The following TAL1 variants were observed in gnomAD, a reference collection of about 807,000 sequenced individuals.
The protein encoded by TAL1 is TAL bHLH transcription factor 1, erythroid differentiation factor.
In TAL1, 8 loss-of-function variants were observed where a neutral mutation model predicts 17.9. That is an observed-to-expected ratio of 0.45 (90% CI 0.26 to 0.81). The LOEUF is 0.81. TAL1 is among the 30% of genes least tolerant of loss of function. The pLI is 0.17. For synonymous variants in TAL1, 223 were observed against 218.6 expected (o/e 1.02, Z -0.18); for missense variants, 466 against 486.9 (o/e 0.96, Z 0.40).
chr1:47,229,281 AC>A, exon 1 of TAL1: 1 of 205,842 alleles, frequency 4.9e-6, no homozygotes. Flanking sequence ...GAGGATGCAC[AC>A]CCGGGTCTTT....
chr1:47,219,379 G>C, exon 4 of TAL1: 1 of 577,050 alleles, frequency 1.7e-6, no homozygotes, highest in Non-Finnish European at 3.3e-6. Flanking sequence ...GACAACCCCA[G>C]GTCTTAGGAA....
At chr1:47,227,292 C>G (rs891917329) in intron 1 of TAL1, 1 of 152,232 alleles carries the variant, frequency 6.6e-6, no homozygotes, top group African/African-American at 2.4e-5. Context: ...ATATGATCAA[C>G]ACCACATAAG....
rs754016762 is a variant in TAL1 at position 47,225,933 on chromosome 1, C to T, written c.-1-44G>A. On this transcript the variant is annotated intron_variant, in intron 1 of 3. Transcript: ENST00000294339. Reference sequence around the variant, plus strand: ...ACAAGCGGATGCCCGCTCTGACGACCGCCCCTGACCCACCGACGTGGGCTG... The same window carrying T: ...ACAAGCGGATGCCCGCTCTGACGACTGCCCCTGACCCACCGACGTGGGCTG... 1.9e-6 allele frequency: 3 copies of T among 1,548,246 alleles called. No homozygotes were observed. In the African/African-American group the frequency reaches 4.2e-5, roughly 22 times the overall value.
upstream of TAL1, chr1:47,230,402 A>G (rs1643990345): frequency 6.6e-6 from 1 of 152,338 alleles, no homozygotes; most frequent in Middle Eastern, 3.4e-3. Context: ...TTTGGTGGAC[A>G]TATAGGAATA....
exon 4 of TAL1, chr1:47,216,731 G>C (rs1167265558): frequency 4.3e-6 from 1 of 231,542 alleles, no homozygotes; most frequent in East Asian, 6.1e-5. Context: ...AAAAGAATAT[G>C]AATTTGTCTT....
At chr1:47,223,123 C>A (rs553788226) in intron 3 of TAL1, among the ~76,000 whole-genome samples, 4 of 152,272 alleles carry the variant, frequency 2.6e-5, no homozygotes, top group South Asian at 2.1e-4. Context: ...ATATTCCTCC[C>A]ACCAGTTTGG....
chr1:47,219,894 G>GGGGGCCCCCCCCCCCCCCCCCCCCCCCC lies in TAL1; in HGVS notation c.821_822insGGGGGGGGGGGGGGGGGGGGGGGGCCCC (p.Ala275GlyfsTer14). The GGGGGCCCCCCCCCCCCCCCCCCCCCCCC allele has an allele frequency of 6.4e-7, 1 of 1,556,032 alleles. No homozygotes were observed. The highest frequency in any genetic ancestry group is 8.7e-7 in the Non-Finnish European group (1 of 1,149,578). On this transcript the variant is annotated frameshift_variant, in exon 4 of 4. Transcript: ENST00000294339. LOFTEE classifies it high-confidence loss of function. Reference sequence around the variant, plus strand: ...CTTGCAGGAGGTCATCTGGGGGCGCGCCGCCCCCTCCCCCACCTCCACCCC... The same window carrying GGGGGCCCCCCCCCCCCCCCCCCCCCCCC: ...CTTGCAGGAGGTCATCTGGGGGCGCGGGGGCCCCCCCCCCCCCCCCCCCCCCCCCCGCCCCCTCCCCCACCTCCACCCC...
chr1:47,222,105 G>A (rs1643824053), intron 3 of TAL1, among the ~76,000 whole-genome samples: 2 of 152,248 alleles, frequency 1.3e-5, no homozygotes, highest in South Asian at 4.1e-4. Flanking sequence ...GCCAGACAGA[G>A]AGCATCCCTC....
At chr1:47,229,836 A>T (rs1643977915), upstream of TAL1, 1 of 152,042 alleles carries the variant, frequency 6.6e-6, no homozygotes, top group African/African-American at 2.4e-5. Flanking sequence ...GGTGGGACAG[A>T]ACCTTGAAGT....
chr1:47,225,388 G>A (rs1391858172), intron 2 of TAL1, 55 bp downstream of exon 3: 4 of 1,220,732 alleles, frequency 3.3e-6, no homozygotes, highest in Middle Eastern at 3.1e-4. Flanking sequence ...CCCCGGTGGG[G>A]GTGGTCGCCC....
At chr1:47,226,357 T>C (rs974804778) in intron 1 of TAL1, 10 of 156,158 alleles carry the variant, frequency 6.4e-5, no homozygotes, top group African/African-American at 1.9e-4. Flanking sequence ...AGGGGTTCGT[T>C]GCTTTAGGAA....
intron 1 of TAL1, chr1:47,227,281 T>TA (rs1643927593): frequency 6.6e-6 from 1 of 152,222 alleles, no homozygotes; most frequent in Admixed American, 6.5e-5. Context: ...GAGTTGTACA[T>TA]ATATGATCAA....
rs775122362 is a variant in TAL1 at position 47,225,867 on chromosome 1, C to G, written c.22G>C (p.Glu8Gln). The G allele has an allele frequency of 2.5e-6, 4 of 1,581,030 alleles. No individual in the cohort carries two copies. In the Admixed American group the frequency reaches 6.8e-5, roughly 27 times the overall value. ...AGCTGGGGGTCACTGCGAGCCGCCT[C>G]GCTCGGCGGCCGCTCGGTCATCCTG... The change falls in exon 2 of 4, where the codon GAG becomes CAG. Residue 8 changes from glutamate (E) to glutamine (Q), a missense_variant. By Grantham distance (29) the Glu-to-Gln change is conservative (BLOSUM62 2). This residue lies in a region of TAL1 where 130 missense variants were observed against 119.5 expected (regional missense o/e 1.09). Coordinates refer to ENST00000294339, the Ensembl canonical transcript of TAL1.
At chr1:47,224,176 A>T in intron 2 of TAL1, 78 bp from the exon 4 acceptor site, 3 of 1,427,200 alleles carry the variant, frequency 2.1e-6, no homozygotes, top group Non-Finnish European at 2.9e-6. Flanking sequence ...GATCCTCCCC[A>T]CATGTCTTGA....
At chr1:47,224,639 C>G (rs879805445) in intron 2 of TAL1, among the ~76,000 whole-genome samples, 1 of 152,218 alleles carries the variant, frequency 6.6e-6, no homozygotes, top group Non-Finnish European at 1.5e-5. Flanking sequence ...GACAGGAAAC[C>G]CTGACTCCCC....
chr1:47,225,587 G>GAGGC lies in TAL1; in HGVS notation c.301_302insGCCT (p.Pro101ArgfsTer76). On this transcript the variant is annotated frameshift_variant, in exon 2 of 4. Coordinates refer to ENST00000294339, the Ensembl canonical transcript of TAL1. LOFTEE classifies it high-confidence loss of function. Reference sequence around the variant, plus strand: ...TGTAACCGAGGCGGGCGCGGGGGCCGGGGCGGGCCCGGGAGGTCTGCACAG... The same window carrying GAGGC: ...TGTAACCGAGGCGGGCGCGGGGGCCGAGGCGGGCGGGCCCGGGAGGTCTGCACAG... 7.8e-7 allele frequency: 1 copy of GAGGC among 1,287,694 alleles called. No individual in the cohort carries two copies. Among genetic ancestry groups the GAGGC allele is most frequent in the Non-Finnish European group, 9.8e-7 (1 of 1,024,814 alleles). 79.8% of individuals were successfully genotyped at this position (1,287,694 alleles called of 1,614,324 possible).
At chr1:47,221,272 C>T (rs1353619631) in intron 3 of TAL1, among the ~76,000 whole-genome samples, 1 of 152,226 alleles carries the variant, frequency 6.6e-6, no homozygotes, top group Non-Finnish European at 1.5e-5. Flanking sequence ...AGTGAAGACA[C>T]AGCTATGCAC....
rs372909336 is a variant in TAL1 at position 47,222,877 on chromosome 1, A to T, written c.541+1127T>A. 6.6e-5 allele frequency among the ~76,000 whole-genome samples: 10 copies of T among 152,160 alleles called. No homozygotes were observed. In the South Asian group the frequency reaches 2.1e-3, roughly 32 times the overall value. ...TTCTGCCTATTGTAGAAAATGCCTC[A>T]TCCCTGGGGAACTTCAGGGCTGGTC... is the stretch of plus-strand genomic sequence containing the variant. On this transcript the variant is annotated intron_variant, in intron 3 of 3. Transcript: ENST00000294339.
exon 4 of TAL1, chr1:47,216,521 G>C (rs746626036): frequency 4.3e-6 from 1 of 230,730 alleles, no homozygotes; most frequent in Non-Finnish European, 8.6e-6. Flanking sequence ...TGCTGGGCCC[G>C]CCCACAGAAA....
Sources: gnomAD v4.1 joint callset for allele counts (sites outside exome capture counted in the v4.1 genomes callset) on GRCh38, gnomAD v4.1.1 for gene constraint, gnomAD v4.1.1 regional missense constraint, MANE v1.5 for transcripts, NCBI Gene and HGNC (gene_info 2026-07-23, HGNC 2026-07-21) for gene names.